The following HPGDS variants were observed in gnomAD, a reference collection of about 807,000 sequenced individuals.
HPGDS encodes the protein GST class-sigma.
HPGDS carries 26 observed loss-of-function variants against 23.1 expected under a neutral mutation model. The observed-to-expected ratio is 1.13, with a 90% confidence interval of 0.83 to 1.56. The LOEUF is 1.56. Among genes scored for constraint, HPGDS ranks in the 40% most tolerant of loss-of-function variants. HPGDS has a pLI of 0.00. For synonymous variants in HPGDS, 95 were observed against 77.9 expected (o/e 1.22, Z -1.16); for missense variants, 268 against 236.4 (o/e 1.13, Z -0.88).
intron 2 of HPGDS, among the ~76,000 whole-genome samples, chr4:94,320,401 C>A (rs959393965): frequency 2.6e-5 from 4 of 152,160 alleles, no homozygotes; most frequent in Non-Finnish European, 4.4e-5. Context: ...GTTCCTATTT[C>A]TCCACACCCT....
intron 2 of HPGDS, among the ~76,000 whole-genome samples, chr4:94,321,823 G>A (rs943796153): frequency 3.9e-5 from 6 of 152,098 alleles, no homozygotes; most frequent in African/African-American, 1.4e-4. Flanking sequence ...GGTGTGAGAG[G>A]GCATCCCTGT....
At chr4:94,330,742 A>G (rs1756719593) in intron 2 of HPGDS, among the ~76,000 whole-genome samples, 1 of 151,914 alleles carries the variant, frequency 6.6e-6, no homozygotes, top group Admixed American at 6.5e-5. Context: ...TGGGAAAAAT[A>G]TCCTTATTTT....
At chr4:94,300,570 G>A (rs985787413) in intron 5 of HPGDS, among the ~76,000 whole-genome samples, 2 of 152,154 alleles carry the variant, frequency 1.3e-5, no homozygotes, top group African/African-American at 4.8e-5. Context: ...TCAGAATTCA[G>A]AATAAATCCA....
chr4:94,304,821 T>C (rs1756110584), intron 4 of HPGDS, among the ~76,000 whole-genome samples: 1 of 152,126 alleles, frequency 6.6e-6, no homozygotes, highest in Non-Finnish European at 1.5e-5. Context: ...GTTACTCTTA[T>C]CATAAATGTT....
chr4:94,309,135 TTA>T (rs1430587481), intron 3 of HPGDS, among the ~76,000 whole-genome samples: 3 of 150,040 alleles, frequency 2.0e-5, no homozygotes, highest in African/African-American at 4.9e-5. Flanking sequence ...ATTTTTTTAA[TTA>T]TACTTTAAGT....
Position 94,302,213 on chromosome 4 carries a change from TTATAC to T in HPGDS, c.363_367del (p.Tyr122CysfsTer21). The T allele has an allele frequency of 1.2e-6, 2 of 1,612,554 alleles. No homozygotes were observed. The highest frequency in any genetic ancestry group is 2.2e-5 in the South Asian group (2 of 90,972). The stretch of plus-strand genomic sequence containing the variant: ...CAAGTCTTGCATAAGATGAGGCGCA[TTATAC>T]GTGAGCAGCTCATTGAACATCTGCT... On this transcript the variant is annotated frameshift_variant, in exon 5 of 6. Coordinates refer to ENST00000295256, the MANE Select transcript of HPGDS (RefSeq NM_014485.3). LOFTEE classifies it high-confidence loss of function.
chr4:94,306,572 T>C (rs1367738759), intron 4 of HPGDS, among the ~76,000 whole-genome samples: 1 of 151,988 alleles, frequency 6.6e-6, no homozygotes, highest in Non-Finnish European at 1.5e-5. Context: ...GTTAAGGAGG[T>C]TTGGGAGGGG....
chr4:94,325,229 CG>C (rs1454109096), intron 2 of HPGDS, among the ~76,000 whole-genome samples: 26 of 152,286 alleles, frequency 1.7e-4, no homozygotes, highest in African/African-American at 6.3e-4. Context: ...TTAGGCTACT[CG>C]GGGGTCAGGG....
intron 3 of HPGDS, among the ~76,000 whole-genome samples, chr4:94,315,356 A>T (rs900209125): frequency 6.6e-6 from 1 of 152,202 alleles, no homozygotes; most frequent in Non-Finnish European, 1.5e-5. Context: ...TACAAGCAAC[A>T]CTGCAATAAA....
At chr4:94,319,849 T>C (rs556842528) in intron 2 of HPGDS, among the ~76,000 whole-genome samples, 3 of 152,274 alleles carry the variant, frequency 2.0e-5, no homozygotes, top group Admixed American at 2.0e-4. Context: ...GCCATGTTGG[T>C]GTGCTGCACC....
intron 4 of HPGDS, chr4:94,303,850 A>T (rs965776729): frequency 6.6e-6 from 1 of 151,796 alleles, no homozygotes; most frequent in African/African-American, 2.4e-5. Flanking sequence ...GTCAAATAAA[A>T]CTCTTATATC....
chr4:94,304,555 C>T (rs1756105603), intron 4 of HPGDS, among the ~76,000 whole-genome samples: 1 of 151,986 alleles, frequency 6.6e-6, no homozygotes, highest in Admixed American at 6.6e-5. Context: ...GAAATTTTCA[C>T]CTGACCACAA....
chr4:94,310,279 C>G (rs1031925150), intron 3 of HPGDS, among the ~76,000 whole-genome samples: 2 of 152,168 alleles, frequency 1.3e-5, no homozygotes, highest in South Asian at 4.1e-4. Flanking sequence ...ACATTGAAGT[C>G]TTTAATCCAT....
At chr4:94,311,163 C>T (rs1756261977) in intron 3 of HPGDS, among the ~76,000 whole-genome samples, 2 of 152,164 alleles carry the variant, frequency 1.3e-5, no homozygotes, top group Admixed American at 1.3e-4. Flanking sequence ...GCCAGAACTT[C>T]CAACACTGTG....
intron 2 of HPGDS, 145 bp from the exon 3 acceptor site, chr4:94,318,110 T>C (rs1756432820): frequency 3.2e-6 from 2 of 631,940 alleles, no homozygotes; most frequent in Non-Finnish European, 2.8e-6. Context: ...ACTTGACAAC[T>C]TGTAGTGGAA....
At chr4:94,331,434 C>T (rs1278431176) in intron 2 of HPGDS, among the ~76,000 whole-genome samples, 1 of 149,560 alleles carries the variant, frequency 6.7e-6, no homozygotes, top group Non-Finnish European at 1.5e-5. Flanking sequence ...TCTCAAATAT[C>T]TATTGATTTT....
chr4:94,334,790 C>G lies in HPGDS; in HGVS notation c.-9-152G>C, dbSNP rs79911406. Among the ~76,000 whole-genome samples, 1,371 of 152,290 alleles carry G rather than the reference C, an allele frequency of 9.0e-3. 9 individuals are homozygous for G. The highest frequency in any genetic ancestry group is 0.034 in the Middle Eastern group (10 of 294). On this transcript the variant is annotated intron_variant, in intron 1 of 5. Coordinates refer to ENST00000295256, the MANE Select transcript of HPGDS (RefSeq NM_014485.3). ...CAAAACCAAAATTATAAATCACTATCTAATTACATACGGGGAAACTTGGTT... is the reference window on the plus strand; with the variant it reads ...CAAAACCAAAATTATAAATCACTATGTAATTACATACGGGGAAACTTGGTT...
intron 1 of HPGDS, among the ~76,000 whole-genome samples, chr4:94,341,267 G>GA (rs951364314): frequency 1.3e-5 from 2 of 152,048 alleles, no homozygotes; most frequent in Admixed American, 6.5e-5. Context: ...CATAATCATT[G>GA]AAAAAATTAC....
In HPGDS at chr4:94,340,310, TC is replaced by T. The variant is rs142766678; in HGVS notation, c.-10+2484del. The stretch of plus-strand genomic sequence containing the variant: ...CTTTCTTTCTTTCTTTCTTTCTTTC[TC>T]TTTTTTTTTTTTTTTTTTTTTTTTT... On this transcript the variant is annotated intron_variant, in intron 1 of 5. Coordinates refer to ENST00000295256, the MANE Select transcript of HPGDS (RefSeq NM_014485.3). Among the ~76,000 whole-genome samples the T allele has an allele frequency of 7.7e-4, 18 of 23,488 alleles. 1 individual carries two copies. The highest frequency in any genetic ancestry group is 2.6e-3 in the Admixed American group (5 of 1,890). 15.4% of individuals were successfully genotyped at this position (23,488 alleles called of 152,430 possible). A position where few individuals can be genotyped will look rare whatever the true frequency, so the allele number is the denominator to read the frequency against.
Sources: gnomAD v4.1 joint callset for allele counts (sites outside exome capture counted in the v4.1 genomes callset) on GRCh38, gnomAD v4.1.1 for gene constraint, MANE v1.5 for transcripts, NCBI Gene and HGNC (gene_info 2026-07-23, HGNC 2026-07-21) for gene names.